PITPNM3: variants seen among roughly 807,000 people sequenced by gnomAD.
The protein encoded by PITPNM3 is PITPNM family member 3.
In PITPNM3, 26 loss-of-function variants were observed where a neutral mutation model predicts 102.0. That is an observed-to-expected ratio of 0.25 (90% CI 0.19 to 0.35). PITPNM3 has a LOEUF of 0.35. Ranked by LOEUF, PITPNM3 falls within the 10% of genes least tolerant of loss-of-function variation. The probability of loss-of-function intolerance (pLI) is 1.00; values close to 1 mark genes in which losing one functional copy is unlikely to be tolerated. For missense variants in PITPNM3, 1,083 were observed against 1,346.1 expected, an observed-to-expected ratio of 0.80 and a Z score of 3.06; for synonymous variants, 578 against 558.6, an observed-to-expected ratio of 1.03 and a Z score of -0.49.
At chr17:6,479,268 C>T (rs2150733118) in intron 6 of PITPNM3, 1 of 155,700 alleles carries the variant, frequency 6.4e-6, no homozygotes, top group South Asian at 2.0e-4. Context: ...TTCATTGCAT[C>T]ACTGGGAGAA....
At position 6,556,459 on chromosome 17, in the gene PITPNM3, G is replaced by T. The variant is rs1910619980; in HGVS notation, c.-53C>A. The stretch of plus-strand genomic sequence containing the variant: ...TACGCGCGCTCCTCGCGCTTCCCGG[G>T]CCCGGCCCCGACCGCCTCCGGCCCC... On this transcript the variant is annotated 5_prime_UTR_variant, in exon 1 of 20. Transcript: ENST00000262483. The surrounding 1 kb of genome is among the most constrained non-coding windows in gnomAD (Gnocchi z 5.2). The T allele has an allele frequency of 1.7e-6, 2 of 1,154,004 alleles. No individual in the cohort carries two copies. The highest frequency in any genetic ancestry group is 1.6e-5 in the African/African-American group (1 of 60,654). The allele number at this position is 1,154,004 out of a possible 1,614,324, so 71.5% of individuals were successfully genotyped here.
chr17:6,487,829 C>T (rs940762756), intron 4 of PITPNM3, among the ~76,000 whole-genome samples: 4 of 152,180 alleles, frequency 2.6e-5, no homozygotes, highest in East Asian at 1.9e-4. Context: ...ATGTTGAGGC[C>T]GTGCCTGGTT....
chr17:6,522,340 T>C (rs1908583343), intron 3 of PITPNM3, among the ~76,000 whole-genome samples: 1 of 150,976 alleles, frequency 6.6e-6, no homozygotes, highest in African/African-American at 2.5e-5. Flanking sequence ...CCTTGAGAAC[T>C]GGAGGGATGA....
intron 4 of PITPNM3, among the ~76,000 whole-genome samples, chr17:6,500,678 C>T (rs1338761239): frequency 6.9e-6 from 1 of 144,280 alleles, no homozygotes; most frequent in South Asian, 2.3e-4. Context: ...AATAAGAACA[C>T]TCTTTTTTTT....
At chr17:6,509,611 T>C (rs1342023886) in intron 3 of PITPNM3, among the ~76,000 whole-genome samples, 1 of 151,814 alleles carries the variant, frequency 6.6e-6, no homozygotes, top group African/African-American at 2.4e-5. Flanking sequence ...AAGACCTGCA[T>C]GCTCCCTCCC....
chr17:6,533,173 G>A (rs1294580510), intron 2 of PITPNM3, among the ~76,000 whole-genome samples: 1 of 151,892 alleles, frequency 6.6e-6, no homozygotes. Flanking sequence ...TGTTGATCAG[G>A]CTGGTCTCGA....
intron 11 of PITPNM3, among the ~76,000 whole-genome samples, chr17:6,471,627 A>C (rs1905081876): frequency 6.6e-6 from 1 of 152,098 alleles, no homozygotes; most frequent in Non-Finnish European, 1.5e-5. Flanking sequence ...CCCAGCCATC[A>C]CCCCTACCTC....
chr17:6,538,484 T>C (rs1458203538), intron 1 of PITPNM3, among the ~76,000 whole-genome samples: 1 of 152,190 alleles, frequency 6.6e-6, no homozygotes, highest in Non-Finnish European at 1.5e-5. Flanking sequence ...GCTCTGCTCA[T>C]TGCTGTCACT....
At position 6,544,654 on chromosome 17, in the gene PITPNM3, T is replaced by TCACACACACA. The variant is rs754945876; in HGVS notation, c.23-6582_23-6573dup. ...CTCTCTCTCTCTCTCTCTCTCTCTC[T>TCACACACACA]CACACACACACACACACACACACAA... On this transcript the variant is annotated intron_variant, in intron 1 of 19. Transcript: ENST00000262483. Among the ~76,000 whole-genome samples the TCACACACACA allele has an allele frequency of 2.2e-4, 29 of 130,272 alleles. No individual in the cohort carries two copies. The Middle Eastern group carries it at 0.012, about 54-fold the overall frequency. The allele number at this position is 130,272 out of a possible 152,430, so 85.5% of individuals were successfully genotyped here.
intron 3 of PITPNM3, among the ~76,000 whole-genome samples, chr17:6,518,199 G>A (rs1908295787): frequency 6.6e-6 from 1 of 152,148 alleles, no homozygotes; most frequent in Non-Finnish European, 1.5e-5. Context: ...TATTTGTCAG[G>A]ATTCTTGTAC....
intron 1 of PITPNM3, among the ~76,000 whole-genome samples, chr17:6,547,057 A>G (rs1457817218): frequency 2.0e-5 from 3 of 151,940 alleles, no homozygotes; most frequent in Non-Finnish European, 4.4e-5. Context: ...GTTGCCTGGG[A>G]TTTCCACAGC....
At chr17:6,527,288 T>A (rs886697556) in intron 2 of PITPNM3, among the ~76,000 whole-genome samples, 2 of 152,258 alleles carry the variant, frequency 1.3e-5, no homozygotes, top group African/African-American at 4.8e-5. Flanking sequence ...ATTGATTTTT[T>A]TCAATCCTGG....
intron 19 of PITPNM3, among the ~76,000 whole-genome samples, chr17:6,456,665 C>T (rs906423905): frequency 2.0e-5 from 3 of 152,152 alleles, no homozygotes; most frequent in Non-Finnish European, 4.4e-5. Context: ...AACTGGGAGA[C>T]GCCACCATCT....
chr17:6,544,508 G>A (rs1346055744), intron 1 of PITPNM3, among the ~76,000 whole-genome samples: 1 of 151,978 alleles, frequency 6.6e-6, no homozygotes, highest in African/African-American at 2.4e-5. Flanking sequence ...CTCCAGCCTG[G>A]GGAACAGAGT....
rs549016168 is a variant in PITPNM3 at position 6,537,568 on chromosome 17, G to A, written c.118+419C>T. Among the ~76,000 whole-genome samples the A allele has an allele frequency of 6.6e-6, 1 of 152,320 alleles. No homozygotes were observed. The highest frequency in any genetic ancestry group is 6.5e-5 in the Admixed American group (1 of 15,304). Reference sequence around the variant, plus strand: ...CCCAAAGTGCTGGGATTACAGGTGTGAGCCACCACGCCTGGCCTGACTGTT... The same window carrying A: ...CCCAAAGTGCTGGGATTACAGGTGTAAGCCACCACGCCTGGCCTGACTGTT... On this transcript the variant is annotated intron_variant, in intron 2 of 19. Transcript: ENST00000262483. The surrounding 1 kb of genome is among the most constrained non-coding windows in gnomAD (Gnocchi z 4.4).
chr17:6,465,621 T>C (rs1248711835), intron 14 of PITPNM3, among the ~76,000 whole-genome samples: 2 of 152,330 alleles, frequency 1.3e-5, no homozygotes, highest in East Asian at 3.9e-4. Flanking sequence ...CTGGTTTCGT[T>C]CTTCCCTTGC....
chr17:6,532,796 C>A (rs189928257), intron 2 of PITPNM3, among the ~76,000 whole-genome samples: 4 of 152,130 alleles, frequency 2.6e-5, no homozygotes, highest in Non-Finnish European at 5.9e-5. Flanking sequence ...TGGACAAATG[C>A]TTTCTTTTTC....
rs1286093489 is a variant in PITPNM3, at chr17:6,461,491, C to T, written c.2372G>A (p.Arg791Gln). ...ITGRPDMQKQRVVSWLSQHNF... is the reference protein window; with the variant it reads ...ITGRPDMQKQQVVSWLSQHNF... Reference sequence around the variant, plus strand: ...GTGCTGGGACAGCCACGACACCACCCGCTGCTTCTGCATGTCCGGCCGTCC... The same window carrying T: ...GTGCTGGGACAGCCACGACACCACCTGCTGCTTCTGCATGTCCGGCCGTCC... Residue 791 changes from arginine to glutamine, a missense_variant, in exon 18 of 20, where the codon CGG becomes CAG. Coordinates refer to ENST00000262483, the MANE Select transcript of PITPNM3 (RefSeq NM_031220.4). The T allele has an allele frequency of 5.0e-6, 8 of 1,614,222 alleles. No homozygotes were observed. The highest frequency in any genetic ancestry group is 1.1e-5 in the South Asian group (1 of 91,088).
At chr17:6,545,373 C>T (rs1336066245) in intron 1 of PITPNM3, among the ~76,000 whole-genome samples, 5 of 152,140 alleles carry the variant, frequency 3.3e-5, no homozygotes, top group South Asian at 2.1e-4. Flanking sequence ...TCCTTCTTCT[C>T]GGGCCCCTGG....
Sources: allele counts gnomAD v4.1 joint callset (sites outside exome capture counted in the v4.1 genomes callset), GRCh38; gene constraint gnomAD v4.1.1; non-coding constraint Gnocchi (gnomAD v3.1); transcripts MANE v1.5; gene names NCBI Gene and HGNC (gene_info 2026-07-23, HGNC 2026-07-21).